Variants in CD163 observed in about 807,000 individuals in gnomAD.
CD163 encodes scavenger receptor cysteine-rich type 1 protein M130.
Under a neutral mutation model 129.2 loss-of-function variants are expected in CD163, and 64 were observed. The ratio of observed to expected loss-of-function variants is 0.50; its 90% CI spans 0.41 to 0.61. The LOEUF (loss-of-function observed/expected upper bound fraction) is 0.61. Ranked by LOEUF, CD163 falls within the 20% of genes least tolerant of loss-of-function variation. CD163 has a pLI of 0.00. For missense variants in CD163, 1,061 were observed against 1,377.9 expected (o/e 0.77, Z 3.64); for synonymous variants, 446 against 478.5 (o/e 0.93, Z 0.89).
At chr12:7,472,951 G>A (rs1163709704) in intron 16 of CD163, among the ~76,000 whole-genome samples, 4 of 152,054 alleles carry the variant, frequency 2.6e-5, no homozygotes, top group Admixed American at 1.3e-4. Flanking sequence ...TAGCCAAATC[G>A]ATCAAGTGGA....
chr12:7,484,656 A>C (rs1258330032), intron 11 of CD163, among the ~76,000 whole-genome samples: 1 of 151,836 alleles, frequency 6.6e-6, no homozygotes, highest in East Asian at 1.9e-4. Flanking sequence ...AAAAAAAAAA[A>C]AAACCTGTAG....
Position 7,498,975 on chromosome 12 carries a change from T to G in CD163, c.671A>C (p.Asp224Ala), listed in dbSNP as rs1436165206. The G allele has an allele frequency of 6.2e-7, 1 of 1,614,142 alleles. No homozygotes were observed. ...FGEGSGPIWF[D>A]DLICNGNESA... ...CTCATTTCCGTTGCATATAAGATCA[T>G]CAAACCAGATTGGTCCAGAGCCTTC... Residue 224 changes from aspartate to alanine, a missense_variant, in exon 4 of 17, where the codon GAT becomes GCT. Transcript: ENST00000432237.
intron 16 of CD163, chr12:7,472,991 T>C (rs1949028020): frequency 2.0e-5 from 3 of 151,948 alleles, no homozygotes; most frequent in Middle Eastern, 3.2e-3. Flanking sequence ...GAAGATCAAC[T>C]TACTGAAAAA....
In CD163 at chr12:7,485,181, T is replaced by C; in HGVS notation, c.2694A>G (p.Gly898=). 6.2e-7 allele frequency: 1 copy of C among 1,614,136 alleles called. No individual in the cohort carries two copies. Among genetic ancestry groups the C allele is most frequent in the Non-Finnish European group, 8.5e-7 (1 of 1,179,982 alleles). The change falls in exon 11 of 17, where the codon GGA becomes GGG. Residue 898 remains glycine, a synonymous_variant. Transcript: ENST00000432237. This position sits in a 1 kb window ranked among gnomAD's most constrained non-coding sequence, Gnocchi z 4.5. ...MWVDNVQCPK[G]PDTLWQCPSS... is the part of the protein sequence containing the mutation. ...ATGGGCACTGCCACAGCGTGTCAGG[T>C]CCTTTTGGACACTGAACATTGTCCA... is the stretch of plus-strand genomic sequence containing the variant.
At chr12:7,497,261 C>T (rs944463057) in intron 4 of CD163, 128 bp from the exon 5 acceptor site, 3 of 727,442 alleles carry the variant, frequency 4.1e-6, no homozygotes, top group Non-Finnish European at 6.9e-6. Context: ...CTGTGATGTA[C>T]TGTACTACCA....
intron 6 of CD163, among the ~76,000 whole-genome samples, chr12:7,491,218 G>A (rs1949323169): frequency 6.6e-6 from 1 of 152,048 alleles, no homozygotes. Context: ...CCTTCTATAA[G>A]TATCCTCTTG....
chr12:7,495,431 G>T (rs201137898), intron 5 of CD163, 30 bp from the exon 6 acceptor site: 11 of 1,595,706 alleles, frequency 6.9e-6, no homozygotes, highest in Non-Finnish European at 9.4e-6. Flanking sequence ...TTAAACCATC[G>T]ATACATATGG....
rs949220952 is a variant in CD163, at chr12:7,496,459, A to T, written c.1099+354T>A. On this transcript the variant is annotated intron_variant, in intron 5 of 16. Transcript: ENST00000432237. The surrounding 1 kb of genome is among the most constrained non-coding windows in gnomAD (Gnocchi z 4.8). ...GTTTACCCATGTAACAAACCTGCAC[A>T]TTCAACACATCTATCCCAGAACTTA... Among the ~76,000 whole-genome samples, 1 of 152,214 alleles carries T rather than the reference A, an allele frequency of 6.6e-6. No individual in the cohort carries two copies. Among genetic ancestry groups the T allele is most frequent in the African/African-American group, 2.4e-5 (1 of 41,448 alleles).
chr12:7,486,773 A>G lies in CD163; in HGVS notation c.2184T>C (p.Cys728=), dbSNP rs780170049. 6.2e-7 allele frequency: 1 copy of G among 1,612,650 alleles called. No homozygotes were observed. The highest frequency in any genetic ancestry group is 1.1e-5 in the South Asian group (1 of 91,030). ...QLRLVNGGGR[C]AGRVEIYHEG... is the part of the protein sequence containing the mutation. ...CATGATAGATCTCTACTCTCCCAGC[A>G]CAGCGACCTCCTCCATTTACCAGGC... is the stretch of plus-strand genomic sequence containing the variant. Residue 728 remains cysteine (C), a synonymous_variant, in exon 10 of 17, where the codon TGT becomes TGC. Transcript: ENST00000432237.
At chr12:7,492,987 G>A (rs1373631310) in intron 6 of CD163, among the ~76,000 whole-genome samples, 1 of 152,200 alleles carries the variant, frequency 6.6e-6, no homozygotes, top group Non-Finnish European at 1.5e-5. Flanking sequence ...AGAAGGGCTG[G>A]TCACAGCATA....
Position 7,487,726 on chromosome 12 carries a change from C to T in CD163, c.1735+47G>A. 2 of 1,614,050 alleles carry T rather than the reference C, an allele frequency of 1.2e-6. No individual in the cohort carries two copies. The highest frequency in any genetic ancestry group is 1.7e-6 in the Non-Finnish European group (2 of 1,180,014). ...GACAGCTATGACTCCCTAACCCTGT[C>T]CCTTTCACAGTATGAGAACCAATTA... is the stretch of plus-strand genomic sequence containing the variant. On this transcript the variant is annotated intron_variant, in intron 7 of 16. Transcript: ENST00000432237. The surrounding 1 kb of genome is among the most constrained non-coding windows in gnomAD (Gnocchi z 5.1).
rs748928104 is a variant in CD163, at chr12:7,477,584, G to T, written c.*31+2276C>A. On this transcript the variant is annotated intron_variant, in intron 16 of 16. Transcript: ENST00000432237. ...GGGAACATCACACATGGGGCCTGCT[G>T]CGGGGTGGGGGCAAGGGGAAGGAGA... 2.6e-4 allele frequency among the ~76,000 whole-genome samples: 39 copies of T among 152,150 alleles called. 1 individual carries two copies. The South Asian group carries it at 6.4e-3, about 25-fold the overall frequency.
At chr12:7,482,864 G>A in intron 13 of CD163, 102 bp from the exon 14 acceptor site, 1 of 1,581,058 alleles carries the variant, frequency 6.3e-7, no homozygotes, top group African/African-American at 1.4e-5. Context: ...GATCCCTGAG[G>A]TAAATATCAA....
rs1464976706 is a variant in CD163, at chr12:7,502,557, T to C, written c.54A>G (p.Arg18=). ...AGGGACTCAAGTTGACAAAATGTCT[T>C]CTGAAGTCTGTGAAAAAGAAAAGAG... is the stretch of plus-strand genomic sequence containing the variant. ...LLEDSGSADF[R]RHFVNLSPFT... Residue 18 remains arginine, a synonymous_variant, in exon 2 of 17, where the codon AGA becomes AGG. Coordinates refer to ENST00000432237, the MANE Select transcript of CD163 (RefSeq NM_203416.4). The C allele has an allele frequency of 6.4e-7, 1 of 1,551,272 alleles. No homozygotes were observed.
At chr12:7,477,561 G>T (rs1247882881) in intron 16 of CD163, among the ~76,000 whole-genome samples, 6 of 152,000 alleles carry the variant, frequency 3.9e-5, no homozygotes, top group African/African-American at 1.4e-4. Context: ...ACAGGGAGGG[G>T]AACATCACAC....
intron 3 of CD163, among the ~76,000 whole-genome samples, chr12:7,499,615 G>A (rs1949451335): frequency 6.6e-6 from 1 of 152,084 alleles, no homozygotes; most frequent in Non-Finnish European, 1.5e-5. Flanking sequence ...AGAGCTAAAA[G>A]TACTACACTG....
intron 16 of CD163, among the ~76,000 whole-genome samples, chr12:7,475,097 C>CGA (rs1949066719): frequency 1.1e-5 from 1 of 94,020 alleles, no homozygotes; most frequent in African/African-American, 4.5e-5. Context: ...GCCTACCAAC[C>CGA]AAAAAAAAAA....
intron 1 of CD163, 148 bp from the exon 2 acceptor site, chr12:7,502,712 C>G (rs777292842): frequency 1.5e-6 from 1 of 665,936 alleles, no homozygotes; most frequent in South Asian, 1.7e-5. Context: ...AGAAAACATT[C>G]ATACCCAGGC....
rs1948996221 is a variant in CD163 at position 7,471,081 on chromosome 12, A to C, written c.*348T>G. 1 of 152,198 alleles carries C rather than the reference A, an allele frequency of 6.6e-6. No individual in the cohort carries two copies. The highest frequency in any genetic ancestry group is 2.1e-4 in the South Asian group (1 of 4,832). 9.4% of individuals were successfully genotyped at this position (152,198 alleles called of 1,614,324 possible). A position where few individuals can be genotyped will look rare whatever the true frequency, so the allele number is the denominator to read the frequency against. ...GCAAATTGAAACACTGTCAAATAAA[A>C]CACATTATAATACATCTAGGAAACT... On this transcript the variant is annotated 3_prime_UTR_variant, in exon 17 of 17. Transcript: ENST00000432237.
Sources: allele counts gnomAD v4.1 joint callset (sites outside exome capture counted in the v4.1 genomes callset), GRCh38; gene constraint gnomAD v4.1.1; non-coding constraint Gnocchi (gnomAD v3.1); transcripts MANE v1.5; gene names NCBI Gene and HGNC (gene_info 2026-07-23, HGNC 2026-07-21).